MYOM1: variants seen among roughly 807,000 people sequenced by gnomAD.
The protein encoded by MYOM1 is myomesin 1.
Under a neutral mutation model 205.3 loss-of-function variants are expected in MYOM1, and 164 were observed. The observed-to-expected ratio is 0.80, with a 90% CI of 0.70 to 0.91. MYOM1 has a LOEUF of 0.91. MYOM1 is among the 40% of genes least tolerant of loss of function. MYOM1 has a pLI of 0.00. For synonymous variants in MYOM1, 772 were observed against 789.4 expected, an observed-to-expected ratio of 0.98 and a Z score of 0.37; for missense variants, 2,011 against 2,127.3, an observed-to-expected ratio of 0.95 and a Z score of 1.08.
chr18:3,120,601 C>T (rs78971231), intron 19 of MYOM1, among the ~76,000 whole-genome samples: 352 of 152,256 alleles, frequency 2.3e-3, no homozygotes, highest in African/African-American at 6.6e-3. Context: ...GACCCTGCAA[C>T]GCCGTGCGCA....
At chr18:3,144,138 G>A (rs563248138) in intron 13 of MYOM1, among the ~76,000 whole-genome samples, 3 of 151,968 alleles carry the variant, frequency 2.0e-5, no homozygotes, top group African/African-American at 7.2e-5. Context: ...CCTGGGAGGC[G>A]GAGCTTGCAG....
Position 3,189,046 on chromosome 18 carries a change from C to G in MYOM1, c.473G>C (p.Arg158Thr), listed in dbSNP as rs748886234. 1 of 1,613,532 alleles carries G rather than the reference C, an allele frequency of 6.2e-7. No individual in the cohort carries two copies. Among genetic ancestry groups the G allele is most frequent in the South Asian group, 1.1e-5 (1 of 91,060 alleles). ...TATATAAGCAGCAGCTTCTTTAATT[C>G]TTTCTTCTTCCGTATCAGTAATTCC... Reference protein sequence around the residue: ...VSGITDTEEERIKEAAAYIAQ... With the variant: ...VSGITDTEEETIKEAAAYIAQ... Residue 158 changes from arginine to threonine, a missense_variant, in exon 4 of 38, where the codon AGA becomes ACA. Coordinates refer to ENST00000356443, the MANE Select transcript of MYOM1 (RefSeq NM_003803.4). The surrounding 1 kb of genome is among the most constrained non-coding windows in gnomAD (Gnocchi z 4.8).
the MYOM1 span, among the ~76,000 whole-genome samples, chr18:3,242,059 G>A: frequency 1.3e-5 from 2 of 152,138 alleles, no homozygotes; most frequent in Non-Finnish European, 2.9e-5. Flanking sequence ...AGGCTCACAG[G>A]TGCAAGGGAC....
intron 26 of MYOM1, chr18:3,093,593 G>T (rs1460712544): frequency 6.6e-6 from 1 of 152,112 alleles, no homozygotes; most frequent in Non-Finnish European, 1.5e-5. Context: ...TTTAGAATTT[G>T]TCTAGCAGGC....
At chr18:3,195,406 T>C (rs1445010695) in intron 2 of MYOM1, among the ~76,000 whole-genome samples, 2 of 152,208 alleles carry the variant, frequency 1.3e-5, no homozygotes, top group Non-Finnish European at 2.9e-5. Flanking sequence ...CCAGCTGTCC[T>C]GGGCAGCAGC....
intron 29 of MYOM1, among the ~76,000 whole-genome samples, chr18:3,086,690 CTCA>C (rs886355648): frequency 3.9e-5 from 6 of 152,172 alleles, no homozygotes; most frequent in African/African-American, 1.4e-4. Context: ...CACTAATCTT[CTCA>C]TCATATCATC....
intron 5 of MYOM1, among the ~76,000 whole-genome samples, chr18:3,181,859 G>A (rs2144118881): frequency 6.7e-6 from 1 of 149,610 alleles, no homozygotes; most frequent in South Asian, 2.1e-4. Context: ...TCAGCCTCCT[G>A]TGTAGCTGGT....
chr18:3,084,230 AT>A (rs761637008), intron 31 of MYOM1, among the ~76,000 whole-genome samples: 2 of 151,900 alleles, frequency 1.3e-5, no homozygotes, highest in South Asian at 2.1e-4. Flanking sequence ...GCTTATTTTG[AT>A]TTTTTTTCCC....
At chr18:3,213,829 C>A (rs918084818) in intron 2 of MYOM1, among the ~76,000 whole-genome samples, 1 of 152,224 alleles carries the variant, frequency 6.6e-6, no homozygotes, top group Non-Finnish European at 1.5e-5. Context: ...ATTCCCACTT[C>A]TGGTGAGAAG....
intron 26 of MYOM1, among the ~76,000 whole-genome samples, chr18:3,093,253 ACCT>A (rs1346234582): frequency 6.6e-6 from 1 of 151,934 alleles, no homozygotes; most frequent in Admixed American, 6.6e-5. Context: ...CACAAACCAC[ACCT>A]CCTCTGCCCT....
chr18:3,229,774 A>AT, the MYOM1 span, among the ~76,000 whole-genome samples: 1 of 152,170 alleles, frequency 6.6e-6, no homozygotes, highest in Non-Finnish European at 1.5e-5. Flanking sequence ...GTTCAAGACC[A>AT]GCCTGACCAA....
At chr18:3,089,749 G>T (rs2143706546) in intron 27 of MYOM1, among the ~76,000 whole-genome samples, 153 bp from the exon 28 acceptor site, 1 of 152,280 alleles carries the variant, frequency 6.6e-6, no homozygotes, top group Middle Eastern at 3.4e-3. Context: ...GAAGAAATAG[G>T]CTTAGGAAGG....
rs1240933895 is a variant in MYOM1 at position 3,083,986 on chromosome 18, C to T, written c.4378+3G>A. The T allele has an allele frequency of 6.3e-7, 1 of 1,589,384 alleles. No homozygotes were observed. The highest frequency in any genetic ancestry group is 1.3e-5 in the African/African-American group (1 of 74,796). ...TTGTTGTGGTGCGAAATGTTTGACT[C>T]ACCTATTTTTTTGCATACTTCCATC... On this transcript the variant is annotated splice_donor_region_variant and intron_variant, in intron 32 of 37. Transcript: ENST00000356443.
intron 10 of MYOM1, among the ~76,000 whole-genome samples, chr18:3,161,773 T>C (rs1282407885): frequency 1.3e-5 from 2 of 152,234 alleles, no homozygotes; most frequent in Non-Finnish European, 2.9e-5. Context: ...CCACTTCTGC[T>C]TCTAATTAAC....
At chr18:3,127,013 T>G in intron 18 of MYOM1, 116 bp from the exon 19 acceptor site, 2 of 904,464 alleles carry the variant, frequency 2.2e-6, no homozygotes, top group Admixed American at 5.3e-5. Flanking sequence ...AAAACTAAAA[T>G]TCGAGGCTGA....
intron 22 of MYOM1, among the ~76,000 whole-genome samples, chr18:3,111,691 T>C (rs2079529432): frequency 6.6e-6 from 1 of 152,198 alleles, no homozygotes; most frequent in Non-Finnish European, 1.5e-5. Context: ...ATAATACATA[T>C]AATGTGCATG....
At position 3,135,860 on chromosome 18, in the gene MYOM1, TGAG is replaced by T; in HGVS notation, c.2026-133_2026-131del. 1 of 1,000,076 alleles carries T rather than the reference TGAG, an allele frequency of 1.0e-6. No individual in the cohort carries two copies. Among genetic ancestry groups the T allele is most frequent in the Non-Finnish European group, 1.5e-6 (1 of 686,878 alleles). 62.0% of individuals were successfully genotyped at this position (1,000,076 alleles called of 1,614,324 possible). On this transcript the variant is annotated intron_variant, in intron 14 of 37. Coordinates refer to ENST00000356443, the MANE Select transcript of MYOM1 (RefSeq NM_003803.4). This position sits in a 1 kb window ranked among gnomAD's most constrained non-coding sequence, Gnocchi z 4.1. ...AATGCAAGCTGGACTGGAGGAGAGA[TGAG>T]GAGGAAATAGGGGATGAGGCATCTG...
the MYOM1 span, chr18:3,246,150 A>C: frequency 1.3e-5 from 2 of 152,378 alleles, no homozygotes; most frequent in South Asian, 2.1e-4. Context: ...TTTCTGCTCT[A>C]AAGTGTCCTC....
Position 3,105,704 on chromosome 18 carries a change from A to C in MYOM1, c.3419-3074T>G, listed in dbSNP as rs2079443022. ...ACCCTGTCTCTATTAAAAATATAAA[A>C]ATTAGCCAGGCGTGGTGGCGCATGT... is the stretch of plus-strand genomic sequence containing the variant. On this transcript the variant is annotated intron_variant, in intron 22 of 37. Transcript: ENST00000356443. Among the ~76,000 whole-genome samples the C allele has an allele frequency of 2.6e-5, 4 of 152,054 alleles. No individual in the cohort carries two copies. The South Asian group carries it at 6.2e-4, about 24-fold the overall frequency.
Sources: allele counts gnomAD v4.1 joint callset (sites outside exome capture counted in the v4.1 genomes callset), GRCh38; gene constraint gnomAD v4.1.1; non-coding constraint Gnocchi (gnomAD v3.1); transcripts MANE v1.5; gene names NCBI Gene and HGNC (gene_info 2026-07-23, HGNC 2026-07-21).